Variants in MCM8 observed in about 807,000 individuals in gnomAD.
MCM8 encodes the protein DNA helicase MCM8.
MCM8 carries 85 observed loss-of-function variants against 98.9 expected under a neutral mutation model. The observed-to-expected ratio is 0.86, with a 90% CI of 0.72 to 1.03. The LOEUF is 1.03. MCM8 is among the 50% of genes least tolerant of loss of function. MCM8 has a pLI of 0.00. For synonymous variants in MCM8, 352 were observed against 338.6 expected, an observed-to-expected ratio of 1.04 and a Z score of -0.44; for missense variants, 951 against 997.8, an observed-to-expected ratio of 0.95 and a Z score of 0.63.
Position 5,993,755 on chromosome 20 carries a change from G to A in MCM8, c.2430+60G>A, listed in dbSNP as rs941287423. 3.0e-6 allele frequency: 4 copies of A among 1,333,732 alleles called. No homozygotes were observed. In the African/African-American group the frequency reaches 5.8e-5, roughly 19 times the overall value. 82.6% of individuals were successfully genotyped at this position (1,333,732 alleles called of 1,614,324 possible). A position where few individuals can be genotyped will look rare whatever the true frequency, so the allele number is the denominator to read the frequency against. ...TTCAGGAGGTCCTTGTTAATATATA[G>A]TAGAACAGAAACAGTTTTTACTTAT... On this transcript the variant is annotated intron_variant, in intron 18 of 18. Transcript: ENST00000610722.
intron 7 of MCM8, among the ~76,000 whole-genome samples, chr20:5,959,693 T>A: frequency 1.4e-5 from 1 of 69,866 alleles, no homozygotes; most frequent in African/African-American, 2.0e-4. Context: ...GGCTGTACTT[T>A]TTTTTTTTTT....
chr20:5,974,283 A>T (rs2122753033), intron 12 of MCM8, among the ~76,000 whole-genome samples: 1 of 152,166 alleles, frequency 6.6e-6, no homozygotes. Context: ...GACATGTGCC[A>T]CCATGCCTGG....
chr20:5,984,334 A>C (rs1365115309), intron 14 of MCM8, among the ~76,000 whole-genome samples: 1 of 152,200 alleles, frequency 6.6e-6, no homozygotes, highest in Non-Finnish European at 1.5e-5. Flanking sequence ...CCACCAAAAA[A>C]ATCAACCTAC....
intron 17 of MCM8, among the ~76,000 whole-genome samples, chr20:5,987,793 T>G (rs2089763235): frequency 6.6e-6 from 1 of 152,172 alleles, no homozygotes; most frequent in Admixed American, 6.6e-5. Flanking sequence ...ATCAGTCCCC[T>G]ATTGACACAT....
chr20:5,994,657 A>G lies in MCM8; in HGVS notation c.*266A>G. 1 of 483,960 alleles carries G rather than the reference A, an allele frequency of 2.1e-6. No homozygotes were observed. The highest frequency in any genetic ancestry group is 3.9e-6 in the Non-Finnish European group (1 of 258,356). The allele number at this position is 483,960 out of a possible 1,614,324, so 30.0% of individuals were successfully genotyped here. The stretch of plus-strand genomic sequence containing the variant: ...GCTCACACTGTAATCACAGTGACTC[A>G]GGAGGCTGAGGTGAGAGGATTCCTT... On this transcript the variant is annotated 3_prime_UTR_variant, in exon 19 of 19. Coordinates refer to ENST00000610722, the MANE Select transcript of MCM8 (RefSeq NM_032485.6).
intron 7 of MCM8, among the ~76,000 whole-genome samples, chr20:5,959,029 C>G (rs998600520): frequency 2.6e-5 from 4 of 152,058 alleles, no homozygotes; most frequent in African/African-American, 9.7e-5. Flanking sequence ...TGATCATTAT[C>G]CTGAAGTTAT....
Position 5,967,829 on chromosome 20 carries a change from G to A in MCM8, c.1028-1G>A. ...TTGTATTTAACACTTTTAATTTACAGGTTCTCGAAATAAGAATGACAAGTG... is the reference window on the plus strand; with the variant it reads ...TTGTATTTAACACTTTTAATTTACAAGTTCTCGAAATAAGAATGACAAGTG... On this transcript the variant is annotated splice_acceptor_variant, in intron 9 of 18. Transcript: ENST00000610722. LOFTEE classifies it high-confidence loss of function. 2 of 1,598,838 alleles carry A rather than the reference G, an allele frequency of 1.3e-6. No individual in the cohort carries two copies. The highest frequency in any genetic ancestry group is 1.7e-6 in the Non-Finnish European group (2 of 1,172,014).
intron 8 of MCM8, 86 bp downstream of exon 8, chr20:5,963,445 C>A: frequency 1.1e-6 from 1 of 942,292 alleles, no homozygotes; most frequent in Non-Finnish European, 1.7e-6. Flanking sequence ...TTATATTGTA[C>A]GTTTTATCTA....
chr20:5,967,801 CTATTG>C, intron 9 of MCM8, 24 bp from the exon 10 acceptor site: 1 of 1,542,124 alleles, frequency 6.5e-7, no homozygotes, highest in Non-Finnish European at 8.9e-7. Flanking sequence ...AAAATACCAA[CTATTG>C]TATTTAACAC....
chr20:5,983,667 T>C (rs1267568789), intron 14 of MCM8, among the ~76,000 whole-genome samples: 1 of 151,910 alleles, frequency 6.6e-6, no homozygotes, highest in South Asian at 2.1e-4. Flanking sequence ...GCCACCACAC[T>C]CCAGCCTGGG....
chr20:5,985,003 A>G lies in MCM8; in HGVS notation c.1953+3A>G, dbSNP rs762479204. The G allele has an allele frequency of 5.0e-6, 8 of 1,609,038 alleles. No individual in the cohort carries two copies. The highest frequency in any genetic ancestry group is 6.0e-6 in the Non-Finnish European group (7 of 1,175,716). On this transcript the variant is annotated splice_donor_region_variant and intron_variant, in intron 15 of 18. Coordinates refer to ENST00000610722, the MANE Select transcript of MCM8 (RefSeq NM_032485.6). ...AGCCATTATCAGAAAGACTAAAGGTATAAATGTTTCTTCTCCTTATTCAGT... is the reference window on the plus strand; with the variant it reads ...AGCCATTATCAGAAAGACTAAAGGTGTAAATGTTTCTTCTCCTTATTCAGT...
chr20:5,967,356 A>G, intron 8 of MCM8, 80 bp from the exon 9 acceptor site: 1 of 1,266,588 alleles, frequency 7.9e-7, no homozygotes, highest in Non-Finnish European at 1.1e-6. Flanking sequence ...CCTCAGCATC[A>G]TGTGAACCCT....
intron 3 of MCM8, among the ~76,000 whole-genome samples, chr20:5,953,534 C>T (rs1019552225): frequency 2.0e-5 from 3 of 151,624 alleles, no homozygotes; most frequent in Non-Finnish European, 2.9e-5. Context: ...AGTGCAGTGG[C>T]GCGATCTTGG....
chr20:5,982,830 T>A, intron 13 of MCM8, 140 bp from the exon 14 acceptor site: 1 of 697,050 alleles, frequency 1.4e-6, no homozygotes, highest in Non-Finnish European at 2.3e-6. Context: ...CAAACAGTAA[T>A]TCTCCATTGT....
intron 9 of MCM8, 100 bp from the exon 10 acceptor site, chr20:5,967,730 T>C (rs2089306551): frequency 1.5e-6 from 2 of 1,354,164 alleles, no homozygotes; most frequent in African/African-American, 1.5e-5. Context: ...TAAAAAAACA[T>C]GTATTTGTAG....
At chr20:5,985,135 C>T (rs75716375) in intron 15 of MCM8, 135 bp downstream of exon 15, 17,958 of 690,848 alleles carry the variant, frequency 0.026, 343 homozygotes, top group Non-Finnish European at 0.032. Flanking sequence ...CTAGAGTTTA[C>T]GTAAACTTCA....
chr20:5,976,717 C>T (rs1216818499), intron 12 of MCM8, among the ~76,000 whole-genome samples: 1 of 152,154 alleles, frequency 6.6e-6, no homozygotes, highest in Non-Finnish European at 1.5e-5. Flanking sequence ...CCTGGACGTG[C>T]TTTGAGTCAG....
At chr20:5,984,699 G>T (rs2089694565) in intron 14 of MCM8, 82 bp from the exon 15 acceptor site, 2 of 1,134,640 alleles carry the variant, frequency 1.8e-6, no homozygotes, top group African/African-American at 1.6e-5. Context: ...TGGAACTTGA[G>T]TAGTAAATAA....
In MCM8 at chr20:5,995,179, A is replaced by G. The variant is rs1354317683; in HGVS notation, c.*788A>G. 1 of 152,788 alleles carries G rather than the reference A, an allele frequency of 6.5e-6. No individual in the cohort carries two copies. Among genetic ancestry groups the G allele is most frequent in the African/African-American group, 2.4e-5 (1 of 41,460 alleles). The allele number at this position is 152,788 out of a possible 1,614,324, so 9.5% of individuals were successfully genotyped here. ...TTTCATAAAATTTTCCCATGTCAAG[A>G]ATACAAAATACTTGAGTTTTGTTTT... On this transcript the variant is annotated 3_prime_UTR_variant, in exon 19 of 19. Transcript: ENST00000610722.
Sources: gnomAD v4.1 joint callset for allele counts (sites outside exome capture counted in the v4.1 genomes callset) on GRCh38, gnomAD v4.1.1 for gene constraint, MANE v1.5 for transcripts, NCBI Gene and HGNC (gene_info 2026-07-23, HGNC 2026-07-21) for gene names.